MAGI1: variants seen among roughly 807,000 people sequenced by gnomAD.
The protein encoded by MAGI1 is membrane associated guanylate kinase, WW and PDZ domain containing 1.
Under a neutral mutation model 139.9 loss-of-function variants are expected in MAGI1, and 58 were observed. That is an observed-to-expected ratio of 0.41 (90% confidence interval 0.34 to 0.52). MAGI1 has a LOEUF of 0.52. Ranked by LOEUF, MAGI1 falls within the 20% of genes least tolerant of loss-of-function variation. The pLI is 0.12. For missense variants in MAGI1, 1,874 were observed against 1,901.6 expected (o/e 0.99, Z 0.27); for synonymous variants, 812 against 737.9 (o/e 1.10, Z -1.63).
At chr3:65,753,749 GAA>G (rs1256973916) in intron 1 of MAGI1, among the ~76,000 whole-genome samples, 1 of 150,764 alleles carries the variant, frequency 6.6e-6, no homozygotes, top group Non-Finnish European at 1.5e-5. Flanking sequence ...GCTGGCAAGT[GAA>G]AGAGTCTAGA....
chr3:65,360,383 A>G (rs1405279501), intron 22 of MAGI1: 28 of 972,464 alleles, frequency 2.9e-5, no homozygotes, highest in South Asian at 4.8e-5. Context: ...TTAAACACAA[A>G]TCTCAAATAA....
At chr3:65,507,326 G>T (rs1416145725) in intron 2 of MAGI1, among the ~76,000 whole-genome samples, 2 of 151,968 alleles carry the variant, frequency 1.3e-5, no homozygotes, top group Non-Finnish European at 2.9e-5. Flanking sequence ...ACCTTGAAGG[G>T]GTTTTAGATT....
intron 14 of MAGI1, among the ~76,000 whole-genome samples, chr3:65,388,299 A>T (rs1270618916): frequency 4.6e-5 from 7 of 152,212 alleles, no homozygotes; most frequent in Non-Finnish European, 1.0e-4. Flanking sequence ...ATTGCCCCTA[A>T]TAAAAGAAAA....
chr3:65,412,237 G>A (rs1945851940), intron 12 of MAGI1, among the ~76,000 whole-genome samples: 1 of 152,040 alleles, frequency 6.6e-6, no homozygotes, highest in Admixed American at 6.6e-5. Flanking sequence ...ATTTTCTCTG[G>A]CTGCTCCCTC....
intron 4 of MAGI1, among the ~76,000 whole-genome samples, chr3:65,476,096 G>A (rs1260040485): frequency 6.6e-6 from 1 of 151,900 alleles, no homozygotes. Flanking sequence ...ATTTAATGTG[G>A]TTCAGAACAC....
intron 2 of MAGI1, chr3:65,598,006 G>T: frequency 2.3e-6 from 1 of 435,514 alleles, no homozygotes; most frequent in East Asian, 7.0e-5. Flanking sequence ...TTTTTCGAGG[G>T]AAGAGGTGCT....
At chr3:65,688,123 T>C (rs2088226192) in intron 1 of MAGI1, 1 of 773,634 alleles carries the variant, frequency 1.3e-6, no homozygotes, top group Non-Finnish European at 2.3e-6. Context: ...TTGCAGATTC[T>C]AGGTGCAGGA....
intron 1 of MAGI1, among the ~76,000 whole-genome samples, chr3:65,960,267 T>C (rs1461666749): frequency 6.6e-6 from 1 of 152,122 alleles, no homozygotes; most frequent in African/African-American, 2.4e-5. Context: ...ATTCCTCATG[T>C]GGAAAAGCTC....
intron 7 of MAGI1, 123 bp downstream of exon 7, chr3:65,447,899 G>GA: frequency 8.8e-7 from 1 of 1,132,122 alleles, no homozygotes; most frequent in South Asian, 1.2e-5. Context: ...AAGCTAGAAT[G>GA]AAAATCATAA....
chr3:65,592,639 A>G (rs1461734752), intron 2 of MAGI1, among the ~76,000 whole-genome samples: 1 of 152,194 alleles, frequency 6.6e-6, no homozygotes, highest in East Asian at 1.9e-4. Context: ...GTGCATATAT[A>G]TATTAGTGCA....
intron 1 of MAGI1, among the ~76,000 whole-genome samples, chr3:65,870,231 CT>C (rs748483633): frequency 4.0e-3 from 581 of 144,862 alleles, no homozygotes; most frequent in Non-Finnish European, 3.8e-3. Flanking sequence ...CACTGAGATA[CT>C]TTTTTTTTTT....
At chr3:65,927,268 G>C (rs2062573898) in intron 1 of MAGI1, among the ~76,000 whole-genome samples, 1 of 152,162 alleles carries the variant, frequency 6.6e-6, no homozygotes, top group African/African-American at 2.4e-5. Context: ...TTGGGGTCTG[G>C]ATGGGGACCC....
In MAGI1 at chr3:65,356,536, T is replaced by G; in HGVS notation, c.4231A>C (p.Arg1411=). The part of the protein sequence containing the change: ...RRRARSPERR[R]ERSLDKRNRE... ...TTCCTTTTGTCCAGGGACCGCTCTC[T>G]CCTGCGCTCGGGGGAGCGTGCGCGC... The change falls in exon 23 of 23, where the codon AGA becomes CGA. Residue 1411 remains arginine (R), a synonymous_variant. Coordinates refer to ENST00000402939, the MANE Select transcript of MAGI1 (RefSeq NM_001033057.2). The G allele has an allele frequency of 6.2e-7, 1 of 1,610,294 alleles. No homozygotes were observed. Among genetic ancestry groups the G allele is most frequent in the Non-Finnish European group, 8.5e-7 (1 of 1,179,870 alleles).
intron 22 of MAGI1, chr3:65,359,471 A>G (rs1940565819): frequency 9.1e-7 from 1 of 1,103,942 alleles, no homozygotes; most frequent in Non-Finnish European, 1.1e-6. Flanking sequence ...ACAGGCTGGC[A>G]TAGGAGAGCA....
intron 1 of MAGI1, among the ~76,000 whole-genome samples, chr3:66,002,033 G>A (rs1199720982): frequency 6.6e-6 from 1 of 152,148 alleles, no homozygotes; most frequent in Non-Finnish European, 1.5e-5. Flanking sequence ...ACCTTCTGAA[G>A]CCACTTGACA....
At chr3:65,981,454 T>C (rs1026365601) in intron 1 of MAGI1, among the ~76,000 whole-genome samples, 2 of 152,204 alleles carry the variant, frequency 1.3e-5, no homozygotes, top group Non-Finnish European at 2.9e-5. Flanking sequence ...CTGCCTGACA[T>C]TGAACAAACA....
At chr3:65,850,220 G>C (rs575804063) in intron 1 of MAGI1, among the ~76,000 whole-genome samples, 143 of 152,264 alleles carry the variant, frequency 9.4e-4, no homozygotes, top group African/African-American at 3.2e-3. Flanking sequence ...GTGTCATGCT[G>C]TAAATTATGG....
At chr3:65,438,566 C>T (rs7636426) in intron 9 of MAGI1, among the ~76,000 whole-genome samples, 6,969 of 152,254 alleles carry the variant, frequency 0.046, 531 homozygotes, top group African/African-American at 0.16. Flanking sequence ...AGGTAGATAA[C>T]ATTTCAATGG....
intron 1 of MAGI1, among the ~76,000 whole-genome samples, chr3:65,756,872 T>A (rs1332741833): frequency 2.0e-5 from 3 of 152,200 alleles, no homozygotes; most frequent in Non-Finnish European, 4.4e-5. Context: ...CTTTATTACC[T>A]ATCCCTGATG....
Sources: allele counts gnomAD v4.1 joint callset (sites outside exome capture counted in the v4.1 genomes callset), GRCh38; gene constraint gnomAD v4.1.1; transcripts MANE v1.5; gene names NCBI Gene and HGNC (gene_info 2026-07-23, HGNC 2026-07-21).